The following VPS13B variants were observed in gnomAD, a reference collection of about 807,000 sequenced individuals.
The protein encoded by VPS13B is vacuolar protein sorting 13 homolog B.
VPS13B carries 285 observed loss-of-function variants against 426.4 expected under a neutral mutation model. The ratio of observed to expected loss-of-function variants is 0.67; its 90% CI spans 0.61 to 0.74. The LOEUF is 0.74. Among genes scored for constraint, VPS13B ranks in the 30% least tolerant of loss-of-function variants. The probability of loss-of-function intolerance (pLI) is 0.00; values close to 1 mark genes in which losing one functional copy is unlikely to be tolerated. For missense variants in VPS13B, 4,537 were observed against 4,782.6 expected (o/e 0.95, Z 1.51); for synonymous variants, 1,676 against 1,676.4 (o/e 1.00, Z 0.01).
chr8:99,811,761 T>G (rs1023892087), intron 44 of VPS13B, among the ~76,000 whole-genome samples: 49 of 152,188 alleles, frequency 3.2e-4, no homozygotes, highest in African/African-American at 1.2e-3. Context: ...GAAAGTCATT[T>G]AAACTCTGTG....
intron 8 of VPS13B, among the ~76,000 whole-genome samples, chr8:99,126,913 G>A (rs1052122131): frequency 6.6e-6 from 1 of 152,068 alleles, no homozygotes; most frequent in Admixed American, 6.6e-5. Context: ...TGCAAATATG[G>A]TGAAACTCTG....
intron 42 of VPS13B, among the ~76,000 whole-genome samples, chr8:99,779,499 T>C (rs1811906584): frequency 6.6e-6 from 1 of 152,208 alleles, no homozygotes; most frequent in Admixed American, 6.5e-5. Context: ...CAATACAGTC[T>C]TAGTTTTTTC....
rs371230628 is a variant in VPS13B at position 99,215,407 on chromosome 8, T to C, written c.2515+22350T>C. On this transcript the variant is annotated intron_variant, in intron 17 of 61. Transcript: ENST00000357162. ...AATAGAATTTCTGTATGCATTCTTA[T>C]CTGTGTCTAAAGTCCTTAAGACCAT... 6.6e-5 allele frequency among the ~76,000 whole-genome samples: 10 copies of C among 152,322 alleles called. No homozygotes were observed. The East Asian group carries it at 9.6e-4, about 15-fold the overall frequency.
chr8:99,390,032 C>G (rs1464630472), intron 20 of VPS13B, among the ~76,000 whole-genome samples: 1 of 151,762 alleles, frequency 6.6e-6, no homozygotes, highest in African/African-American at 2.4e-5. Context: ...GACTAAATAC[C>G]AAATATAAAA....
At chr8:99,445,107 C>T (rs1203171103) in intron 23 of VPS13B, among the ~76,000 whole-genome samples, 1 of 151,744 alleles carries the variant, frequency 6.6e-6, no homozygotes, top group African/African-American at 2.4e-5. Context: ...AGATACGATA[C>T]CCTTACACAT....
At chr8:99,289,754 A>T (rs1372095730) in intron 19 of VPS13B, among the ~76,000 whole-genome samples, 1 of 152,100 alleles carries the variant, frequency 6.6e-6, no homozygotes, top group Non-Finnish European at 1.5e-5. Context: ...AGGAACAGGC[A>T]ATATTAAAGT....
At chr8:99,184,504 T>C (rs969602706) in intron 16 of VPS13B, among the ~76,000 whole-genome samples, 2 of 152,224 alleles carry the variant, frequency 1.3e-5, no homozygotes, top group African/African-American at 4.8e-5. Context: ...TGTATGGTAA[T>C]AAGACATTTA....
At chr8:99,727,130 A>G (rs768496746) in intron 39 of VPS13B, among the ~76,000 whole-genome samples, 54 of 152,348 alleles carry the variant, frequency 3.5e-4, no homozygotes, top group Non-Finnish European at 5.6e-4. Context: ...GTGAATCACA[A>G]AATTTATAAG....
chr8:99,875,282 AAAC>A (rs1252200004), intron 61 of VPS13B, 133 bp from the exon 62 acceptor site: 1 of 1,266,638 alleles, frequency 7.9e-7, no homozygotes, highest in African/African-American at 1.5e-5. Flanking sequence ...GGAAAAAAGG[AAAC>A]ATTCTGGATT....
At chr8:99,544,812 G>T (rs966974617) in intron 30 of VPS13B, among the ~76,000 whole-genome samples, 3 of 152,028 alleles carry the variant, frequency 2.0e-5, no homozygotes, top group Non-Finnish European at 4.4e-5. Flanking sequence ...CTAATAATAG[G>T]CCATATTAGT....
chr8:99,676,912 C>G (rs1830958119), intron 35 of VPS13B, among the ~76,000 whole-genome samples: 1 of 152,002 alleles, frequency 6.6e-6, no homozygotes, highest in African/African-American at 2.4e-5. Flanking sequence ...GGTGGATCAC[C>G]TGAGGTCAGG....
intron 21 of VPS13B, among the ~76,000 whole-genome samples, chr8:99,409,169 G>A (rs764496991): frequency 3.9e-5 from 6 of 152,138 alleles, no homozygotes; most frequent in Non-Finnish European, 8.8e-5. Context: ...AGATTTTGCT[G>A]ATGACATATC....
At chr8:99,487,627 A>T (rs1165942860) in intron 25 of VPS13B, among the ~76,000 whole-genome samples, 1 of 152,130 alleles carries the variant, frequency 6.6e-6, no homozygotes, top group East Asian at 1.9e-4. Flanking sequence ...CATCCATGGT[A>T]ACCTCTATTC....
intron 21 of VPS13B, among the ~76,000 whole-genome samples, chr8:99,419,294 G>C (rs1224597217): frequency 6.6e-6 from 1 of 152,234 alleles, no homozygotes; most frequent in East Asian, 1.9e-4. Flanking sequence ...GTTTTCCTGA[G>C]GCCTCCTAGT....
At chr8:99,421,980 A>G (rs933183549) in intron 21 of VPS13B, among the ~76,000 whole-genome samples, 2 of 152,088 alleles carry the variant, frequency 1.3e-5, no homozygotes, top group African/African-American at 4.8e-5. Flanking sequence ...CCGTGCCTGG[A>G]CAAACAGGTT....
At chr8:99,480,813 C>T (rs968306437) in intron 24 of VPS13B, among the ~76,000 whole-genome samples, 4 of 152,196 alleles carry the variant, frequency 2.6e-5, no homozygotes, top group Non-Finnish European at 2.9e-5. Flanking sequence ...TTTATAAATA[C>T]GAGAATTTCA....
intron 43 of VPS13B, among the ~76,000 whole-genome samples, chr8:99,790,513 A>G (rs998681498): frequency 5.3e-5 from 8 of 152,200 alleles, no homozygotes; most frequent in African/African-American, 1.9e-4. Context: ...GACATTGTCT[A>G]TCAGTCTATC....
At chr8:99,591,200 G>T in intron 33 of VPS13B, among the ~76,000 whole-genome samples, 2 of 106,432 alleles carry the variant, frequency 1.9e-5, no homozygotes, top group Non-Finnish European at 3.6e-5. Flanking sequence ...CCATTTGCTT[G>T]GTAGATCTTC....
intron 19 of VPS13B, among the ~76,000 whole-genome samples, chr8:99,284,569 A>G (rs1245197989): frequency 6.6e-6 from 1 of 151,064 alleles, no homozygotes; most frequent in Non-Finnish European, 1.5e-5. Context: ...TTTTTTCTTT[A>G]CTTTTTTTTT....
Sources: gnomAD v4.1 joint callset for allele counts (sites outside exome capture counted in the v4.1 genomes callset) on GRCh38, gnomAD v4.1.1 for gene constraint, MANE v1.5 for transcripts, NCBI Gene and HGNC (gene_info 2026-07-23, HGNC 2026-07-21) for gene names.